Variants in SKP2 observed in about 807,000 individuals in gnomAD.
The protein encoded by SKP2 is S-phase kinase associated protein 2, also known as S-phase kinase-associated protein 2.
A neutral mutation model predicts 51.8 loss-of-function variants in SKP2; 16 were observed. The ratio of observed to expected loss-of-function variants is 0.31; its 90% CI spans 0.21 to 0.47. SKP2 has a LOEUF of 0.47. SKP2 is among the 20% of genes least tolerant of loss of function. The pLI is 1.00. For missense variants in SKP2, 377 were observed against 505.3 expected (o/e 0.75, Z 2.43); for synonymous variants, 176 against 198.6 (o/e 0.89, Z 0.96).
downstream of SKP2, among the ~76,000 whole-genome samples, chr5:36,185,173 G>A (rs1745935347): frequency 1.3e-5 from 2 of 152,280 alleles, no homozygotes; most frequent in South Asian, 2.1e-4. Flanking sequence ...TTTGTCAGAT[G>A]AGTAGATTGC....
chr5:36,183,107 T>C lies in SKP2; in HGVS notation c.*1076T>C, dbSNP rs1475119394. 2.0e-6 allele frequency: 2 copies of C among 984,452 alleles called. No homozygotes were observed. The highest frequency in any genetic ancestry group is 2.4e-6 in the Non-Finnish European group (2 of 829,080). 61.0% of individuals were successfully genotyped at this position (984,452 alleles called of 1,614,324 possible). ...TGCATGTTCTCTTCAATCAGAAATATACAGTAGAAGCAGGTATATCTTCCA... is the reference window on the plus strand; with the variant it reads ...TGCATGTTCTCTTCAATCAGAAATACACAGTAGAAGCAGGTATATCTTCCA... On this transcript the variant is annotated 3_prime_UTR_variant, in exon 10 of 10. Coordinates refer to ENST00000274255, the MANE Select transcript of SKP2 (RefSeq NM_005983.4).
intron 2 of SKP2, among the ~76,000 whole-genome samples, chr5:36,154,725 CG>C (rs1166555763): frequency 2.0e-5 from 3 of 151,960 alleles, no homozygotes; most frequent in Non-Finnish European, 2.9e-5. Flanking sequence ...ATGGAGGTTG[CG>C]GGGGCGTTCT....
intron 1 of SKP2, 44 bp downstream of exon 1, chr5:36,152,314 TTAA>T: frequency 2.5e-6 from 4 of 1,582,374 alleles, no homozygotes; most frequent in East Asian, 2.2e-5. Flanking sequence ...ATGGACCCTC[TTAA>T]TAATTCTTTT....
At chr5:36,166,420 G>A (rs1159373919) in intron 3 of SKP2, 99 bp from the exon 4 acceptor site, 6 of 959,398 alleles carry the variant, frequency 6.3e-6, no homozygotes, top group African/African-American at 1.6e-5. Context: ...ATGCTTCAAG[G>A]AGATTTAGCA....
chr5:36,182,395 A>G lies in SKP2; in HGVS notation c.*364A>G, dbSNP rs1745839524. On this transcript the variant is annotated 3_prime_UTR_variant, in exon 10 of 10. Transcript: ENST00000274255. Reference sequence around the variant, plus strand: ...ATTACCACCAGCAAACAATCTTCATAGCCCATATAACTTTTATCTATTTAA... The same window carrying G: ...ATTACCACCAGCAAACAATCTTCATGGCCCATATAACTTTTATCTATTTAA... The G allele has an allele frequency of 2.9e-6, 3 of 1,026,540 alleles. No homozygotes were observed. The highest frequency in any genetic ancestry group is 3.5e-6 in the Non-Finnish European group (3 of 854,666). 63.6% of individuals were successfully genotyped at this position (1,026,540 alleles called of 1,614,324 possible).
chr5:36,184,593 C>T (rs1266867392), downstream of SKP2, among the ~76,000 whole-genome samples: 1 of 152,152 alleles, frequency 6.6e-6, no homozygotes, highest in Non-Finnish European at 1.5e-5. Context: ...GACATGAACT[C>T]ATCATTTTTT....
At chr5:36,168,173 C>T (rs1351118380) in intron 4 of SKP2, 140 bp from the exon 5 acceptor site, 2 of 743,932 alleles carry the variant, frequency 2.7e-6, no homozygotes, top group Non-Finnish European at 4.5e-6. Flanking sequence ...GTTTTATGAC[C>T]CTATAGTTAA....
downstream of SKP2, among the ~76,000 whole-genome samples, chr5:36,186,595 C>A (rs1179721283): frequency 1.3e-5 from 2 of 152,150 alleles, no homozygotes; most frequent in Non-Finnish European, 2.9e-5. Context: ...AGGGATGAAG[C>A]CCACTTGATC....
downstream of SKP2, among the ~76,000 whole-genome samples, chr5:36,185,776 G>C (rs540627883): frequency 1.1e-3 from 174 of 151,984 alleles, 8 homozygotes; most frequent in South Asian, 0.021. Flanking sequence ...GTAGTTTTTT[G>C]CAATTCTGTG....
chr5:36,152,640 A>G (rs33671), intron 1 of SKP2, 131 bp from the exon 2 acceptor site: 788,358 of 951,852 alleles, frequency 0.83, 332,577 homozygotes, highest in Non-Finnish European at 0.88. Flanking sequence ...CCGCAGGCAC[A>G]TAAAAAATGC....
At chr5:36,191,040 T>C (rs758078189) in intron 6 of SKP2, among the ~76,000 whole-genome samples, 3 of 152,216 alleles carry the variant, frequency 2.0e-5, no homozygotes, top group Non-Finnish European at 4.4e-5. Flanking sequence ...TTCCTTTCTT[T>C]CCTTGTAATT....
intron 3 of SKP2, 63 bp downstream of exon 3, chr5:36,163,819 C>A: frequency 8.8e-7 from 1 of 1,133,554 alleles, no homozygotes; most frequent in Non-Finnish European, 1.3e-6. Flanking sequence ...GTTATTTATT[C>A]GTTTTGGTCT....
chr5:36,152,591 G>T (rs1426592333), intron 1 of SKP2, among the ~76,000 whole-genome samples, 180 bp from the exon 2 acceptor site: 1 of 152,166 alleles, frequency 6.6e-6, no homozygotes, highest in African/African-American at 2.4e-5. Flanking sequence ...AAGCCTTCTC[G>T]ATTTGTTCTT....
intron 3 of SKP2, among the ~76,000 whole-genome samples, chr5:36,164,813 A>G (rs879153452): frequency 6.6e-6 from 1 of 152,228 alleles, no homozygotes; most frequent in Non-Finnish European, 1.5e-5. Context: ...TTTATTGTAT[A>G]TATTTAAGGT....
Position 36,163,618 on chromosome 5 carries a change from T to A in SKP2, c.281-27T>A, listed in dbSNP as rs367551753. On this transcript the variant is annotated intron_variant, in intron 2 of 9. Coordinates refer to ENST00000274255, the MANE Select transcript of SKP2 (RefSeq NM_005983.4). ...ACTTGATAGGGTGAAAGAATGGTGA[T>A]GGCAAACACTTGTTTTCCCTCCAAA... The A allele has an allele frequency of 5.8e-6, 8 of 1,386,020 alleles. No homozygotes were observed. In the African/African-American group the frequency reaches 1.1e-4, roughly 20 times the overall value. 85.9% of individuals were successfully genotyped at this position (1,386,020 alleles called of 1,614,324 possible).
At chr5:36,190,683 C>CAAAAAAAAAAAAAAAAAAAAAA (rs70973094) in intron 6 of SKP2, among the ~76,000 whole-genome samples, 2 of 81,190 alleles carry the variant, frequency 2.5e-5, no homozygotes, top group Non-Finnish European at 2.2e-5. Context: ...CAAACATATG[C>CAAAAAAAAAAAAAAAAAAAAAA]AAAAAAAAAA....
chr5:36,183,970 G>A lies in SKP2; in HGVS notation c.*1939G>A, dbSNP rs140524103. The A allele has an allele frequency of 5.8e-5, 93 of 1,606,982 alleles. No homozygotes were observed. Among genetic ancestry groups the A allele is most frequent in the Non-Finnish European group, 7.4e-5 (87 of 1,176,860 alleles). ...ACATGTCAGAGTAATCTGTATTTTT[G>A]TATGTGATTTCTACTTTTATAGACT... On this transcript the variant is annotated 3_prime_UTR_variant, in exon 10 of 10. Coordinates refer to ENST00000274255, the MANE Select transcript of SKP2 (RefSeq NM_005983.4).
Position 36,152,762 on chromosome 5 carries a change from C to T in SKP2, c.9-9C>T, listed in dbSNP as rs757961414. 1.9e-6 allele frequency: 3 copies of T among 1,612,404 alleles called. No individual in the cohort carries two copies. Among genetic ancestry groups the T allele is most frequent in the Admixed American group, 1.7e-5 (1 of 59,988 alleles). The stretch of plus-strand genomic sequence containing the variant: ...CGAAAGGAACCGGGGGTATTGTGCA[C>T]TTCTGCAGGAAGCACCTCCAGGAGA... On this transcript the variant is annotated splice_polypyrimidine_tract_variant and intron_variant, in intron 1 of 9. Transcript: ENST00000274255.
At chr5:36,181,484 C>CA (rs1745809282) in intron 9 of SKP2, among the ~76,000 whole-genome samples, 1 of 152,182 alleles carries the variant, frequency 6.6e-6, no homozygotes, top group African/African-American at 2.4e-5. Context: ...AGTTTCTTCT[C>CA]ATAACACAGT....
Sources: allele counts gnomAD v4.1 joint callset (sites outside exome capture counted in the v4.1 genomes callset), GRCh38; gene constraint gnomAD v4.1.1; transcripts MANE v1.5; gene names NCBI Gene and HGNC (gene_info 2026-07-23, HGNC 2026-07-21).